The following SEPTIN1 variants were observed in gnomAD, a reference collection of about 807,000 sequenced individuals.
SEPTIN1 encodes the protein septin-1.
A neutral mutation model predicts 50.7 loss-of-function variants in SEPTIN1; 52 were observed. The ratio of observed to expected loss-of-function variants is 1.03; its 90% CI spans 0.82 to 1.29. SEPTIN1 has a LOEUF of 1.29. Ranked by LOEUF, SEPTIN1 falls within the 50% of genes most tolerant of loss-of-function variation. The probability of loss-of-function intolerance (pLI) is 0.00; values close to 1 mark genes in which losing one functional copy is unlikely to be tolerated. For synonymous variants in SEPTIN1, 204 were observed against 189.1 expected, an observed-to-expected ratio of 1.08 and a Z score of -0.65; for missense variants, 455 against 490.7, an observed-to-expected ratio of 0.93 and a Z score of 0.69.
rs1213970716 is a variant in SEPTIN1 at position 30,379,437 on chromosome 16, T to G, written c.773A>C (p.Glu258Ala). The G allele has an allele frequency of 6.2e-7, 1 of 1,613,416 alleles. No individual in the cohort carries two copies. The change falls in exon 8 of 11, where the codon GAG (glutamate) becomes GCG (alanine). Residue 258 changes from glutamate (E) to alanine (A), a missense_variant and splice_region_variant. Transcript: ENST00000321367. ...RGRRYSWGTVEVENPHHCDFL... is the reference protein window; with the variant it reads ...RGRRYSWGTVAVENPHHCDFL... ...GACCCCTGCCTGGCCTCACTCACCC[T>G]CCACGGTCCCCCAGGAGTAGCGGCG...
rs2049865014 is a variant in SEPTIN1, at chr16:30,382,517, GGAC to G, written c.18+5_18+7del. On this transcript the variant is annotated splice_donor_5th_base_variant and intron_variant, in intron 1 of 10. Transcript: ENST00000321367. This position sits in a 1 kb window ranked among gnomAD's most constrained non-coding sequence, Gnocchi z 4.8. ...GAGATGCCCAGGTTTCTGGGTGTAA[GGAC>G]TCACCATGACTCCGCCAGCCATCAC... 3 of 1,596,192 alleles carry G rather than the reference GGAC, an allele frequency of 1.9e-6. No individual in the cohort carries two copies. The highest frequency in any genetic ancestry group is 2.7e-5 in the African/African-American group (2 of 74,720).
intron 7 of SEPTIN1, 43 bp downstream of exon 7, chr16:30,379,889 G>GTC: frequency 9.3e-7 from 1 of 1,073,190 alleles, no homozygotes; most frequent in Non-Finnish European, 1.4e-6. Context: ...TTACAGACGT[G>GTC]AGCCACCGTG....
Position 30,382,272 on chromosome 16 carries a change from G to C in SEPTIN1, c.109+3C>G. 1 of 1,613,650 alleles carries C rather than the reference G, an allele frequency of 6.2e-7. No individual in the cohort carries two copies. The highest frequency in any genetic ancestry group is 2.2e-5 in the East Asian group (1 of 44,870). ...CGCAGTTCCCTCTCCAAAACCCCCA[G>C]ACCTGCCACCATTAGCGTGAAGTCA... On this transcript the variant is annotated splice_donor_region_variant and intron_variant, in intron 2 of 10. Coordinates refer to ENST00000321367, the MANE Select transcript of SEPTIN1 (RefSeq NM_001365977.2). This position sits in a 1 kb window ranked among gnomAD's most constrained non-coding sequence, Gnocchi z 4.8.
intron 6 of SEPTIN1, 147 bp from the exon 7 acceptor site, chr16:30,380,180 A>C (rs776012035): frequency 1.8e-6 from 1 of 544,654 alleles, no homozygotes; most frequent in Non-Finnish European, 3.1e-6. Flanking sequence ...ATGGACATAC[A>C]GGAAGACAAA....
At chr16:30,380,149 G>C in intron 6 of SEPTIN1, 116 bp from the exon 7 acceptor site, 1 of 744,448 alleles carries the variant, frequency 1.3e-6, no homozygotes, top group Non-Finnish European at 2.0e-6. Flanking sequence ...AGAAAGACAT[G>C]AAAGACAGAG....
At position 30,378,228 on chromosome 16, in the gene SEPTIN1, C is replaced by T; in HGVS notation, c.*206G>A. 3.0e-6 allele frequency: 2 copies of T among 672,904 alleles called. No individual in the cohort carries two copies. Among genetic ancestry groups the T allele is most frequent in the East Asian group, 2.8e-5 (1 of 35,842 alleles). The allele number at this position is 672,904 out of a possible 1,614,324, so 41.7% of individuals were successfully genotyped here. A position where few individuals can be genotyped will look rare whatever the true frequency, so the allele number is the denominator to read the frequency against. On this transcript the variant is annotated 3_prime_UTR_variant, in exon 11 of 11. Transcript: ENST00000321367. ...TGATGCGGTCGGAGATTGTGCAGGC[C>T]CCGGGCCGGGAAGTGGGCGGTGTCT...
chr16:30,380,850 G>C, intron 6 of SEPTIN1: 4 of 489,764 alleles, frequency 8.2e-6, no homozygotes, highest in Non-Finnish European at 1.5e-5. Context: ...CACGGGGTGG[G>C]GGCCAGAGGG....
intron 7 of SEPTIN1, 42 bp from the exon 8 acceptor site, chr16:30,379,576 C>T: frequency 1.4e-6 from 2 of 1,450,486 alleles, no homozygotes; most frequent in Non-Finnish European, 1.9e-6. Flanking sequence ...GCTCACACGG[C>T]AGAAACTTTC....
At position 30,382,182 on chromosome 16, in the gene SEPTIN1, G is replaced by A. The variant is rs751559972; in HGVS notation, c.110-3C>T. The A allele has an allele frequency of 6.2e-7, 1 of 1,611,792 alleles. No homozygotes were observed. Among genetic ancestry groups the A allele is most frequent in the East Asian group, 2.2e-5 (1 of 44,768 alleles). ...GGATTTCCCTAGGCCTGACTCCCCT[G>A]TGGACAGAACAGGCCCAACTGGTCA... On this transcript the variant is annotated splice_polypyrimidine_tract_variant and splice_region_variant and intron_variant, in intron 2 of 10. Coordinates refer to ENST00000321367, the MANE Select transcript of SEPTIN1 (RefSeq NM_001365977.2). The surrounding 1 kb of genome is among the most constrained non-coding windows in gnomAD (Gnocchi z 4.8).
Position 30,382,460 on chromosome 16 carries a change from TCTGGGGACCCCAGGCATGGGGG to T in SEPTIN1, c.18+43_18+64del, listed in dbSNP as rs1290156218. ...CCTGGGCTAGGAAGAGTCAGTGGGG[TCTGGGGACCCCAGGCATGGGGG>T]CTGGGGGCCGAGATGCCCAGGTTTC... On this transcript the variant is annotated intron_variant, in intron 1 of 10. Coordinates refer to ENST00000321367, the MANE Select transcript of SEPTIN1 (RefSeq NM_001365977.2). The surrounding 1 kb of genome is among the most constrained non-coding windows in gnomAD (Gnocchi z 4.8). The T allele has an allele frequency of 6.3e-6, 10 of 1,576,832 alleles. No individual in the cohort carries two copies. Among genetic ancestry groups the T allele is most frequent in the East Asian group, 4.5e-5 (2 of 44,434 alleles).
intron 6 of SEPTIN1, chr16:30,380,872 TTC>T: frequency 1.9e-6 from 1 of 534,864 alleles, no homozygotes. Context: ...AGTCACTATG[TTC>T]TCATGTCTAT....
Position 30,379,198 on chromosome 16 carries a change from G to A in SEPTIN1, c.776-15C>T, listed in dbSNP as rs1322271959. On this transcript the variant is annotated splice_polypyrimidine_tract_variant and intron_variant, in intron 8 of 10. Transcript: ENST00000321367. ...TGGGTTCTCCACTGGAGGGGGGGCG[G>A]CGCGGACCAGCGAACGTCAGGGAGT... 5 of 1,613,402 alleles carry A rather than the reference G, an allele frequency of 3.1e-6. No individual in the cohort carries two copies. The highest frequency in any genetic ancestry group is 4.2e-6 in the Non-Finnish European group (5 of 1,179,484).
chr16:30,378,685 C>T lies in SEPTIN1; in HGVS notation c.957G>A (p.Gln319=). 6.2e-7 allele frequency: 1 copy of T among 1,608,370 alleles called. No homozygotes were observed. The change falls in exon 10 of 11, where the codon CAG becomes CAA. Residue 319 remains glutamine, a synonymous_variant. Coordinates refer to ENST00000321367, the MANE Select transcript of SEPTIN1 (RefSeq NM_001365977.2). ...DRASRSKLSR[Q]SATEIPLPML... is the part of the protein sequence containing the mutation. ...TGGGCAGCGGGATCTCTGTGGCGCT[C>T]TGGCGGGAAAGCTTACTGCGGGACA...
chr16:30,379,414 C>T, intron 8 of SEPTIN1, 21 bp downstream of exon 8: 1 of 1,604,646 alleles, frequency 6.2e-7, no homozygotes, highest in Non-Finnish European at 8.5e-7. Context: ...GGCCTTAGGA[C>T]CCCTGCCTGG....
At position 30,378,416 on chromosome 16, in the gene SEPTIN1, G is replaced by T. The variant is rs373719065; in HGVS notation, c.*18C>A. On this transcript the variant is annotated 3_prime_UTR_variant, in exon 11 of 11. Coordinates refer to ENST00000321367, the MANE Select transcript of SEPTIN1 (RefSeq NM_001365977.2). ...CGACTGAAGGCGGAGCCGAGGTAAG[G>T]CCGGGCGGGGCGTGGCCTCAGAGGG... The T allele has an allele frequency of 1.3e-6, 2 of 1,553,824 alleles. No individual in the cohort carries two copies. The highest frequency in any genetic ancestry group is 2.1e-5 in the Admixed American group (1 of 47,706).
At position 30,382,490 on chromosome 16, in the gene SEPTIN1, C is replaced by T; in HGVS notation, c.18+35G>A. ...GGACCCCAGGCATGGGGGCTGGGGG[C>T]CGAGATGCCCAGGTTTCTGGGTGTA... On this transcript the variant is annotated intron_variant, in intron 1 of 10. Coordinates refer to ENST00000321367, the MANE Select transcript of SEPTIN1 (RefSeq NM_001365977.2). This position sits in a 1 kb window ranked among gnomAD's most constrained non-coding sequence, Gnocchi z 4.8. The T allele has an allele frequency of 6.3e-7, 1 of 1,595,420 alleles. No homozygotes were observed. Among genetic ancestry groups the T allele is most frequent in the Non-Finnish European group, 8.6e-7 (1 of 1,169,166 alleles).
intron 9 of SEPTIN1, 136 bp downstream of exon 9, chr16:30,378,882 G>GA: frequency 2.4e-5 from 19 of 807,394 alleles, no homozygotes; most frequent in Non-Finnish European, 3.1e-5. Context: ...GAGAGAGGGA[G>GA]GGAGGGAGGG....
Position 30,381,117 on chromosome 16 carries a change from T to C in SEPTIN1, c.573+10A>G. ...ACATGGGGTCAAAGGTCAGAGGTCA[T>C]CACTCACACCTTCTGCTTGAGGGCC... On this transcript the variant is annotated intron_variant, in intron 6 of 10. Coordinates refer to ENST00000321367, the MANE Select transcript of SEPTIN1 (RefSeq NM_001365977.2). This position sits in a 1 kb window ranked among gnomAD's most constrained non-coding sequence, Gnocchi z 4.3. The C allele has an allele frequency of 6.3e-7, 1 of 1,599,708 alleles. No homozygotes were observed. The highest frequency in any genetic ancestry group is 8.6e-7 in the Non-Finnish European group (1 of 1,166,892).
At position 30,381,451 on chromosome 16, in the gene SEPTIN1, T is replaced by C. The variant is rs762266455; in HGVS notation, c.343A>G (p.Ile115Val). 2 of 1,613,986 alleles carry C rather than the reference T, an allele frequency of 1.2e-6. No individual in the cohort carries two copies. Among genetic ancestry groups the C allele is most frequent in the Non-Finnish European group, 1.7e-6 (2 of 1,179,992 alleles). Reference protein sequence around the residue: ...SDCWLPVVKFIEEQFEQYLRD... With the variant: ...SDCWLPVVKFVEEQFEQYLRD... ...AGGTACTGCTCAAATTGCTCCTCGA[T>C]GAATTTCACCACCGGAAGCCAGCTG... The change falls in exon 5 of 11, where the codon ATC (isoleucine) becomes GTC (valine). Residue 115 changes from isoleucine (I) to valine (V), a missense_variant. Physicochemically the swap from Ile to Val is conservative, Grantham distance 29 (BLOSUM62 3). Coordinates refer to ENST00000321367, the MANE Select transcript of SEPTIN1 (RefSeq NM_001365977.2). The surrounding 1 kb of genome is among the most constrained non-coding windows in gnomAD (Gnocchi z 4.3).
Sources: gnomAD v4.1 joint callset for allele counts on GRCh38, gnomAD v4.1.1 for gene constraint, Gnocchi (gnomAD v3.1) non-coding constraint, MANE v1.5 for transcripts, NCBI Gene and HGNC (gene_info 2026-07-23, HGNC 2026-07-21) for gene names.